PACS1: variants seen among roughly 807,000 people sequenced by gnomAD.
PACS1 encodes phosphofurin acidic cluster sorting protein 1, also known as PACS-1.
A neutral mutation model predicts 115.0 loss-of-function variants in PACS1; 24 were observed. That is an observed-to-expected ratio of 0.21 (90% CI 0.15 to 0.29). The LOEUF (loss-of-function observed/expected upper bound fraction) is 0.29. PACS1 is among the 10% of genes least tolerant of loss of function. The pLI, the probability that PACS1 is intolerant of heterozygous loss-of-function variation, is 1.00. For synonymous variants in PACS1, 453 were observed against 504.5 expected (o/e 0.90, Z 1.37); for missense variants, 838 against 1,251.2 (o/e 0.67, Z 4.98).
chr11:66,075,198 C>T (rs1009189850), intron 1 of PACS1, among the ~76,000 whole-genome samples: 1 of 152,094 alleles, frequency 6.6e-6, no homozygotes, highest in African/African-American at 2.4e-5. Context: ...CCGCCTTGGC[C>T]TTCCAAAGTG....
intron 1 of PACS1, among the ~76,000 whole-genome samples, chr11:66,071,212 C>T (rs1467106475): frequency 6.6e-6 from 1 of 152,150 alleles, no homozygotes; most frequent in African/African-American, 2.4e-5. Flanking sequence ...GTATAGATCT[C>T]TTGATATTAT....
chr11:66,224,094 G>T (rs904982050), intron 10 of PACS1, among the ~76,000 whole-genome samples: 1 of 151,892 alleles, frequency 6.6e-6, no homozygotes, highest in South Asian at 2.1e-4. Context: ...CTACTCGCGT[G>T]GCTGAGGCAG....
chr11:66,170,014 T>C (rs1264811240), intron 1 of PACS1, among the ~76,000 whole-genome samples: 1 of 150,648 alleles, frequency 6.6e-6, no homozygotes, highest in East Asian at 1.9e-4. Context: ...GTAGAAACTT[T>C]CAGGTATTCT....
rs1554993495 is a variant in PACS1, at chr11:66,233,873, G to A, written c.1927G>A (p.Val643Ile). 1.2e-6 allele frequency: 2 copies of A among 1,605,634 alleles called. No individual in the cohort carries two copies. The highest frequency in any genetic ancestry group is 1.7e-5 in the Admixed American group (1 of 58,772). The change falls in exon 16 of 24, where the codon GTC (valine) becomes ATC (isoleucine). Residue 643 changes from valine to isoleucine, a missense_variant. Val to Ile is a conservative substitution (Grantham distance 29). Around this residue, in one of 6 missense-constraint regions of PACS1, gnomAD observed 383 missense variants for 537.0 expected, o/e 0.71. Coordinates refer to ENST00000320580, the MANE Select transcript of PACS1 (RefSeq NM_018026.4). This position sits in a 1 kb window ranked among gnomAD's most constrained non-coding sequence, Gnocchi z 4.5. The stretch of plus-strand genomic sequence containing the variant: ...CCTGAGCTCCATCCTCAGGTTCTTT[G>A]TCAAGTCCCTGGCCAACAAGACCTC... ...SYLSSILRFF[V>I]KSLANKTSDW...
intron 1 of PACS1, among the ~76,000 whole-genome samples, chr11:66,106,543 G>C (rs536035968): frequency 6.6e-6 from 1 of 152,026 alleles, no homozygotes; most frequent in African/African-American, 2.4e-5. Flanking sequence ...CTCCAGCCTG[G>C]GTGACAGAAT....
At chr11:66,146,795 C>A (rs1278798121) in intron 1 of PACS1, among the ~76,000 whole-genome samples, 5 of 152,128 alleles carry the variant, frequency 3.3e-5, no homozygotes, top group Non-Finnish European at 7.4e-5. Flanking sequence ...GCCTGTAACC[C>A]CAGCACCCCA....
At chr11:66,221,755 C>T (rs1322148809) in intron 10 of PACS1, 1 of 155,904 alleles carries the variant, frequency 6.4e-6, no homozygotes, top group East Asian at 1.9e-4. Flanking sequence ...ATTGCTGTGT[C>T]AGGCTGGGTT....
At chr11:66,148,425 G>T (rs959037486) in intron 1 of PACS1, among the ~76,000 whole-genome samples, 6 of 152,212 alleles carry the variant, frequency 3.9e-5, no homozygotes, top group Non-Finnish European at 8.8e-5. Context: ...GGCATTACAG[G>T]TGTGAGCACC....
At chr11:66,176,252 G>T (rs543031133) in intron 1 of PACS1, among the ~76,000 whole-genome samples, 1 of 152,252 alleles carries the variant, frequency 6.6e-6, no homozygotes, top group East Asian at 1.9e-4. Context: ...ATCTCTGGTA[G>T]TCTGCAATGT....
chr11:66,227,232 C>T (rs1855485075), intron 10 of PACS1, among the ~76,000 whole-genome samples: 1 of 152,188 alleles, frequency 6.6e-6, no homozygotes, highest in Non-Finnish European at 1.5e-5. Flanking sequence ...AAATTTTGAG[C>T]TTCTCTTGCC....
intron 1 of PACS1, among the ~76,000 whole-genome samples, chr11:66,155,199 G>A (rs961446561): frequency 9.9e-5 from 15 of 152,138 alleles, no homozygotes; most frequent in Non-Finnish European, 1.6e-4. Context: ...AGGGGAAAAC[G>A]TTCATGTGAC....
Position 66,070,900 on chromosome 11 carries a change from GC to G in PACS1, c.356+61del. 7.3e-7 allele frequency: 1 copy of G among 1,366,272 alleles called. No individual in the cohort carries two copies. The highest frequency in any genetic ancestry group is 9.4e-7 in the Non-Finnish European group (1 of 1,066,534). 84.6% of individuals were successfully genotyped at this position (1,366,272 alleles called of 1,614,324 possible). ...GGAGCGGGGTGGCCGCCGGGGCCCA[GC>G]CCTCCCCGCCCCAGCGCCCATGGGG... On this transcript the variant is annotated intron_variant, in intron 1 of 23. Transcript: ENST00000320580. The surrounding 1 kb of genome is among the most constrained non-coding windows in gnomAD (Gnocchi z 5.9).
chr11:66,175,209 C>A (rs1378552435), intron 1 of PACS1, among the ~76,000 whole-genome samples: 1 of 151,888 alleles, frequency 6.6e-6, no homozygotes, highest in Non-Finnish European at 1.5e-5. Flanking sequence ...GTAAATTAAA[C>A]CAATACGGTT....
chr11:66,145,003 C>T (rs534157712), intron 1 of PACS1, among the ~76,000 whole-genome samples: 4 of 152,188 alleles, frequency 2.6e-5, no homozygotes, highest in South Asian at 4.1e-4. Context: ...TGAGGTGATA[C>T]GTTTGAAGAT....
chr11:66,197,561 A>G (rs984979872), intron 2 of PACS1, among the ~76,000 whole-genome samples: 2 of 152,160 alleles, frequency 1.3e-5, no homozygotes, highest in African/African-American at 4.8e-5. Context: ...TAGGAGGCCA[A>G]GGTGAGAGGA....
intron 1 of PACS1, among the ~76,000 whole-genome samples, chr11:66,155,931 T>C (rs925370503): frequency 3.3e-5 from 5 of 151,936 alleles, no homozygotes; most frequent in African/African-American, 1.2e-4. Context: ...AAAAACATGC[T>C]TTGTGAAAGA....
At chr11:66,136,028 C>T (rs1288853802) in intron 1 of PACS1, among the ~76,000 whole-genome samples, 2 of 152,120 alleles carry the variant, frequency 1.3e-5, no homozygotes, top group African/African-American at 4.8e-5. Context: ...AAACACTGTC[C>T]ACCTGTCAGT....
chr11:66,212,412 A>G (rs1203614), intron 4 of PACS1, among the ~76,000 whole-genome samples: 7,302 of 149,914 alleles, frequency 0.049, 249 homozygotes, highest in Non-Finnish European at 0.063. Flanking sequence ...GATTACAGGC[A>G]TGAGCCACTG....
intron 4 of PACS1, among the ~76,000 whole-genome samples, chr11:66,214,623 T>TC (rs1855156354): frequency 7.0e-6 from 1 of 142,488 alleles, no homozygotes; most frequent in Non-Finnish European, 1.5e-5. Flanking sequence ...TTCTTTTCTT[T>TC]TTTTTTTTTT....
Sources: allele counts gnomAD v4.1 joint callset (sites outside exome capture counted in the v4.1 genomes callset), GRCh38; gene constraint gnomAD v4.1.1; regional missense constraint gnomAD v4.1.1; non-coding constraint Gnocchi (gnomAD v3.1); transcripts MANE v1.5; gene names NCBI Gene and HGNC (gene_info 2026-07-23, HGNC 2026-07-21).